The following CTSA variants were observed in gnomAD, a reference collection of about 807,000 sequenced individuals.
The protein encoded by CTSA is lysosomal protective protein.
Under a neutral mutation model 66.7 loss-of-function variants are expected in CTSA, and 42 were observed. That is an observed-to-expected ratio of 0.63 (90% CI 0.49 to 0.81). CTSA has a LOEUF of 0.81. CTSA is among the 40% of genes least tolerant of loss of function. The probability of loss-of-function intolerance (pLI) is 0.00; values close to 1 mark genes in which losing one functional copy is unlikely to be tolerated. For missense variants in CTSA, 525 were observed against 610.9 expected (o/e 0.86, Z 1.48); for synonymous variants, 225 against 248.6 (o/e 0.91, Z 0.89).
rs746428492 is a variant in CTSA, at chr20:45,895,030, C to T, written c.985C>T (p.Pro329Ser). 1 of 1,614,088 alleles carries T rather than the reference C, an allele frequency of 6.2e-7. No individual in the cohort carries two copies. The highest frequency in any genetic ancestry group is 1.1e-5 in the South Asian group (1 of 91,082). Residue 329 changes from proline (P) to serine (S), a missense_variant, in exon 11 of 15, where the codon CCC becomes TCC. By Grantham distance (74) the Pro-to-Ser change is moderately conservative. Transcript: ENST00000646241. ...CTCAGGGGATAAAGTGCGCATGGACCCCCCCTGCACCAACACAACAGCTGC... is the reference window on the plus strand; with the variant it reads ...CTCAGGGGATAAAGTGCGCATGGACTCCCCCTGCACCAACACAACAGCTGC... ...LRSGDKVRMD[P>S]PCTNTTAAST...
At position 45,891,653 on chromosome 20, in the gene CTSA, G is replaced by A. The variant is rs376350093; in HGVS notation, c.85G>A (p.Ala29Thr). 9.3e-6 allele frequency: 15 copies of A among 1,612,364 alleles called. No homozygotes were observed. The highest frequency in any genetic ancestry group is 1.2e-5 in the Non-Finnish European group (14 of 1,179,878). Residue 29 changes from alanine to threonine, a missense_variant, in exon 2 of 15, where the codon GCC becomes ACC. Ala to Thr is a moderately conservative substitution (Grantham distance 58, BLOSUM62 0). Coordinates refer to ENST00000646241, the MANE Select transcript of CTSA (RefSeq NM_000308.4). This position sits in a 1 kb window ranked among gnomAD's most constrained non-coding sequence, Gnocchi z 4.6. ...GTCCTGGGCGTCCCGAGGCGAGGCA[G>A]CCCCCGACCAGGACGAGATCCAGCG... ...LVSWASRGEAAPDQDEIQRLP... is the reference protein window; with the variant it reads ...LVSWASRGEATPDQDEIQRLP...
At chr20:45,897,488 C>G (rs949910397) in intron 12 of CTSA, 3 of 538,544 alleles carry the variant, frequency 5.6e-6, no homozygotes, top group Non-Finnish European at 1.0e-5. Flanking sequence ...AAATATGAGC[C>G]TCAGGTTCTC....
rs149268665 is a variant in CTSA at position 45,891,922 on chromosome 20, G to A, written c.201G>A (p.Val67=). The A allele has an allele frequency of 2.8e-5, 45 of 1,614,040 alleles. No homozygotes were observed. The highest frequency in any genetic ancestry group is 2.3e-4 in the African/African-American group (17 of 75,038). The change falls in exon 3 of 15, where the codon GTG becomes GTA. Residue 67 remains valine (V), a synonymous_variant. Coordinates refer to ENST00000646241, the MANE Select transcript of CTSA (RefSeq NM_000308.4). This position sits in a 1 kb window ranked among gnomAD's most constrained non-coding sequence, Gnocchi z 4.6. ...GCCCTGACCCCCCTCCCAGGTTTGTGGAGTCCCAGAAGGATCCCGAGAACA... is the reference window on the plus strand; with the variant it reads ...GCCCTGACCCCCCTCCCAGGTTTGTAGAGTCCCAGAAGGATCCCGAGAACA... The part of the protein sequence containing the change: ...SGSKHLHYWF[V]ESQKDPENSP...
Position 45,898,481 on chromosome 20 carries a change from GCAGCCCCTCC to G in CTSA, c.*37_*46del. 10 of 1,601,006 alleles carry G rather than the reference GCAGCCCCTCC, an allele frequency of 6.2e-6. No homozygotes were observed. Among genetic ancestry groups the G allele is most frequent in the East Asian group, 2.2e-5 (1 of 44,768 alleles). ...ACAGCAACCAGCTCCACGGCCTGAT[GCAGCCCCTCC>G]CAGCCTCTCCCGCTAGGAGAGTCCT... On this transcript the variant is annotated 3_prime_UTR_variant, in exon 15 of 15. Transcript: ENST00000646241. The surrounding 1 kb of genome is among the most constrained non-coding windows in gnomAD (Gnocchi z 4.6).
intron 6 of CTSA, 86 bp downstream of exon 6, chr20:45,892,966 C>A: frequency 6.7e-7 from 1 of 1,483,968 alleles, no homozygotes; most frequent in East Asian, 2.3e-5. Flanking sequence ...GTCAATGTCC[C>A]CATCCAACCC....
chr20:45,896,889 G>A, intron 11 of CTSA, 76 bp from the exon 12 acceptor site: 1 of 1,187,928 alleles, frequency 8.4e-7, no homozygotes, highest in Non-Finnish European at 1.3e-6. Flanking sequence ...TTGGAGATAG[G>A]AGAGAAGGTC....
Position 45,892,504 on chromosome 20 carries a change from A to C in CTSA, c.444+20A>C. 1.2e-6 allele frequency: 2 copies of C among 1,610,038 alleles called. No homozygotes were observed. Among genetic ancestry groups the C allele is most frequent in the Non-Finnish European group, 8.5e-7 (1 of 1,176,334 alleles). On this transcript the variant is annotated intron_variant, in intron 5 of 14. Coordinates refer to ENST00000646241, the MANE Select transcript of CTSA (RefSeq NM_000308.4). ...ACTGAGGTGAGTCTGGTGCCTGCCC[A>C]TCTGCCCCAGGCTCCCCGGTCCTCC... is the stretch of plus-strand genomic sequence containing the variant.
rs2090364 is a variant in CTSA at position 45,891,495 on chromosome 20, C to G, written c.1-74C>G. On this transcript the variant is annotated intron_variant, in intron 1 of 14. Transcript: ENST00000646241. This position sits in a 1 kb window ranked among gnomAD's most constrained non-coding sequence, Gnocchi z 4.6. ...CGGGGCTTCCCTCGCGGAGGCGCCG[C>G]CAGCAACTCCCCGGGGGCTGCTGCA... 1 of 1,549,648 alleles carries G rather than the reference C, an allele frequency of 6.5e-7. No individual in the cohort carries two copies.
rs1202436590 is a variant in CTSA at position 45,891,582 on chromosome 20, C to T, written c.14C>T (p.Ala5Val). The T allele has an allele frequency of 2.5e-6, 4 of 1,584,480 alleles. No homozygotes were observed. Among genetic ancestry groups the T allele is most frequent in the Non-Finnish European group, 3.4e-6 (4 of 1,172,578 alleles). Reference protein sequence around the residue: MIRAAPPPLFLLLLL... With the variant: MIRAVPPPLFLLLLL... ...TGCCTCCCGTAGATGATCCGAGCCG[C>T]GCCGCCGCCGCTGTTCCTGCTGCTG... Residue 5 changes from alanine (A) to valine (V), a missense_variant, in exon 2 of 15, where the codon GCG becomes GTG. Around this residue, in one of 3 missense-constraint regions of CTSA, gnomAD observed 246 missense variants for 267.4 expected, o/e 0.92. Transcript: ENST00000646241. This position sits in a 1 kb window ranked among gnomAD's most constrained non-coding sequence, Gnocchi z 4.6.
Position 45,891,462 on chromosome 20 carries a change from G to T in CTSA, c.-1+83G>T. On this transcript the variant is annotated intron_variant, in intron 1 of 14. Coordinates refer to ENST00000646241, the MANE Select transcript of CTSA (RefSeq NM_000308.4). This position sits in a 1 kb window ranked among gnomAD's most constrained non-coding sequence, Gnocchi z 4.6. Reference sequence around the variant, plus strand: ...AGGAGGCTCGCGGGTGGGAGCTGGCGCTGGGGCCGGGGCTTCCCTCGCGGA... The same window carrying T: ...AGGAGGCTCGCGGGTGGGAGCTGGCTCTGGGGCCGGGGCTTCCCTCGCGGA... The T allele has an allele frequency of 3.9e-6, 6 of 1,545,966 alleles. No homozygotes were observed. The highest frequency in any genetic ancestry group is 4.4e-6 in the Non-Finnish European group (5 of 1,145,154).
intron 11 of CTSA, chr20:45,896,647 C>T (rs1339061396): frequency 8.3e-6 from 3 of 362,254 alleles, no homozygotes; most frequent in Non-Finnish European, 1.1e-5. Context: ...CCATGTTGGT[C>T]AGGCTGGTCT....
At position 45,893,385 on chromosome 20, in the gene CTSA, A is replaced by G. The variant is rs930229306; in HGVS notation, c.692+74A>G. On this transcript the variant is annotated intron_variant, in intron 7 of 14. Coordinates refer to ENST00000646241, the MANE Select transcript of CTSA (RefSeq NM_000308.4). ...GATCTCAGGTCTGTCCTCCAGGCACATGATATGACAGGCCCAGCCCAGGTT... is the reference window on the plus strand; with the variant it reads ...GATCTCAGGTCTGTCCTCCAGGCACGTGATATGACAGGCCCAGCCCAGGTT... 145 of 1,125,218 alleles carry G rather than the reference A, an allele frequency of 1.3e-4. 1 individual carries two copies. Among genetic ancestry groups the G allele is most frequent in the Middle Eastern group, 3.9e-4 (2 of 5,120 alleles). The allele number at this position is 1,125,218 out of a possible 1,614,324, so 69.7% of individuals were successfully genotyped here.
Position 45,898,612 on chromosome 20 carries a change from A to C in CTSA, c.*162A>C. The C allele has an allele frequency of 1.3e-6, 1 of 778,764 alleles. No homozygotes were observed. The highest frequency in any genetic ancestry group is 1.5e-5 in the South Asian group (1 of 68,172). 48.2% of individuals were successfully genotyped at this position (778,764 alleles called of 1,614,324 possible). ...TCCCAGACTGGGCCCAGGGTCTCCC[A>C]TAGACAGCCTGGGGGCAAGTTAGCA... On this transcript the variant is annotated 3_prime_UTR_variant, in exon 15 of 15. Transcript: ENST00000646241. The surrounding 1 kb of genome is among the most constrained non-coding windows in gnomAD (Gnocchi z 4.6).
chr20:45,891,767 G>C lies in CTSA; in HGVS notation c.194+5G>C, dbSNP rs1444824737. ...CTCCAAGCACCTCCACTACTGGTCT[G>C]CCGCCCTGCCTTCTGGGCGGGATTG... is the stretch of plus-strand genomic sequence containing the variant. On this transcript the variant is annotated splice_donor_5th_base_variant and intron_variant, in intron 2 of 14. Transcript: ENST00000646241. The surrounding 1 kb of genome is among the most constrained non-coding windows in gnomAD (Gnocchi z 4.6). 1.9e-6 allele frequency: 3 copies of C among 1,613,858 alleles called. No homozygotes were observed. In the Admixed American group the frequency reaches 5.0e-5, roughly 27 times the overall value.
At chr20:45,896,108 T>C (rs2083102427) in intron 11 of CTSA, among the ~76,000 whole-genome samples, 1 of 152,038 alleles carries the variant, frequency 6.6e-6, no homozygotes, top group African/African-American at 2.4e-5. Flanking sequence ...GGGAGGAGAA[T>C]CGCTTGAACC....
rs1336321852 is a variant in CTSA, at chr20:45,892,868, C to A, written c.588C>A (p.Ser196Arg). Residue 196 changes from serine (S) to arginine (R), a missense_variant, in exon 6 of 15, where the codon AGC becomes AGA. Ser to Arg is a moderately radical substitution (Grantham distance 110). This residue lies in a region of CTSA where 246 missense variants were observed against 267.4 expected (regional missense o/e 0.92). Coordinates refer to ENST00000646241, the MANE Select transcript of CTSA (RefSeq NM_000308.4). The stretch of plus-strand genomic sequence containing the variant: ...CCGTGCTGGTCATGCAGGATCCCAG[C>A]ATGAACCTTCAGGTGCAGGGTAGCT... Reference protein sequence around the residue: ...TLAVLVMQDPSMNLQGLAVGN... With the variant: ...TLAVLVMQDPRMNLQGLAVGN... The A allele has an allele frequency of 1.2e-6, 2 of 1,614,156 alleles. No homozygotes were observed. The highest frequency in any genetic ancestry group is 1.7e-6 in the Non-Finnish European group (2 of 1,180,038).
rs1986910896 is a variant in CTSA, at chr20:45,891,535, A to C, written c.1-34A>C. The C allele has an allele frequency of 1.9e-6, 3 of 1,581,724 alleles. No homozygotes were observed. In the East Asian group the frequency reaches 7.0e-5, roughly 37 times the overall value. On this transcript the variant is annotated intron_variant, in intron 1 of 14. Transcript: ENST00000646241. The surrounding 1 kb of genome is among the most constrained non-coding windows in gnomAD (Gnocchi z 4.6). Reference sequence around the variant, plus strand: ...GGGCTGCTGCACGGAAGCGCTGAGGAGCGAGTCAACAGCCCCTCTGCTGCC... The same window carrying C: ...GGGCTGCTGCACGGAAGCGCTGAGGCGCGAGTCAACAGCCCCTCTGCTGCC...
intron 5 of CTSA, 87 bp from the exon 6 acceptor site, chr20:45,892,638 G>A: frequency 6.4e-7 from 1 of 1,565,156 alleles, no homozygotes. Context: ...CACAAATAGG[G>A]TGGGTTAATG....
rs560184691 is a variant in CTSA at position 45,898,604 on chromosome 20, G to C, written c.*154G>C. On this transcript the variant is annotated 3_prime_UTR_variant, in exon 15 of 15. Coordinates refer to ENST00000646241, the MANE Select transcript of CTSA (RefSeq NM_000308.4). The surrounding 1 kb of genome is among the most constrained non-coding windows in gnomAD (Gnocchi z 4.6). The stretch of plus-strand genomic sequence containing the variant: ...CCTGTACATCCCAGACTGGGCCCAG[G>C]GTCTCCCATAGACAGCCTGGGGGCA... 26 of 811,906 alleles carry C rather than the reference G, an allele frequency of 3.2e-5. No homozygotes were observed. Among genetic ancestry groups the C allele is most frequent in the Non-Finnish European group, 4.7e-5 (23 of 487,340 alleles). 50.3% of individuals were successfully genotyped at this position (811,906 alleles called of 1,614,324 possible). A position where few individuals can be genotyped will look rare whatever the true frequency, so the allele number is the denominator to read the frequency against.
Sources: gnomAD v4.1 joint callset for allele counts (sites outside exome capture counted in the v4.1 genomes callset) on GRCh38, gnomAD v4.1.1 for gene constraint, gnomAD v4.1.1 regional missense constraint, Gnocchi (gnomAD v3.1) non-coding constraint, MANE v1.5 for transcripts, NCBI Gene and HGNC (gene_info 2026-07-23, HGNC 2026-07-21) for gene names.